PHTF2: variants seen among roughly 807,000 people sequenced by gnomAD.
PHTF2 encodes putative homeodomain transcription factor 2.
Under a neutral mutation model 101.2 loss-of-function variants are expected in PHTF2, and 60 were observed. That is an observed-to-expected ratio of 0.59 (90% CI 0.48 to 0.73). The LOEUF (loss-of-function observed/expected upper bound fraction) is 0.73. Among genes scored for constraint, PHTF2 ranks in the 30% least tolerant of loss-of-function variants. PHTF2 has a pLI of 0.00. For missense variants in PHTF2, 747 were observed against 908.7 expected (o/e 0.82, Z 2.29); for synonymous variants, 311 against 307.3 (o/e 1.01, Z -0.13).
intron 3 of PHTF2, among the ~76,000 whole-genome samples, chr7:77,881,181 A>T (rs1032532409): frequency 1.3e-5 from 2 of 152,094 alleles, no homozygotes; most frequent in Non-Finnish European, 2.9e-5. Flanking sequence ...ACTTCAAAAT[A>T]TTTCAGTATT....
intron 2 of PHTF2, among the ~76,000 whole-genome samples, chr7:77,848,057 G>T (rs1278461954): frequency 2.0e-5 from 3 of 151,968 alleles, no homozygotes; most frequent in African/African-American, 7.3e-5. Context: ...TTCTTACGAC[G>T]GAATACTACT....
intron 1 of PHTF2, among the ~76,000 whole-genome samples, chr7:77,806,345 A>G (rs1342136234): frequency 5.3e-5 from 8 of 152,124 alleles, no homozygotes; most frequent in African/African-American, 1.7e-4. Flanking sequence ...TTGAAGTTCT[A>G]TTGCTAGGTG....
intron 15 of PHTF2, among the ~76,000 whole-genome samples, chr7:77,941,120 A>G (rs111628376): frequency 1.3e-5 from 2 of 152,212 alleles, no homozygotes; most frequent in East Asian, 3.9e-4. Flanking sequence ...TGGAGTAATC[A>G]TGCAAATTCC....
chr7:77,809,237 T>TTGTTTTG (rs1793233935), intron 1 of PHTF2, among the ~76,000 whole-genome samples: 1 of 147,784 alleles, frequency 6.8e-6, no homozygotes, highest in African/African-American at 2.5e-5. Context: ...TTTTTTTTTT[T>TTGTTTTG]TTTTTTTGAG....
At chr7:77,827,593 C>T (rs1177410007) in intron 1 of PHTF2, among the ~76,000 whole-genome samples, 2 of 152,044 alleles carry the variant, frequency 1.3e-5, no homozygotes, top group Non-Finnish European at 2.9e-5. Context: ...ACTTCATGAT[C>T]TACCTGCCTT....
chr7:77,899,733 G>A lies in PHTF2; in HGVS notation c.217-978G>A, dbSNP rs181256220. 4.3e-4 allele frequency among the ~76,000 whole-genome samples: 66 copies of A among 152,008 alleles called. No individual in the cohort carries two copies. In the East Asian group the frequency reaches 0.012, roughly 27 times the overall value. On this transcript the variant is annotated intron_variant, in intron 5 of 19. Transcript: ENST00000416283. The stretch of plus-strand genomic sequence containing the variant: ...TAATCAGATTTTTACTTTGATGGGG[G>A]GTGTCATTGTTACTTGGATTAGGAC...
chr7:77,954,995 T>G (rs1806909066), exon 20 of PHTF2: 1 of 516,452 alleles, frequency 1.9e-6, no homozygotes, highest in African/African-American at 2.0e-5. Flanking sequence ...GTTGAAGTGT[T>G]TACATCAGAC....
chr7:77,879,343 A>G (rs1294677701), intron 3 of PHTF2, among the ~76,000 whole-genome samples: 1 of 152,170 alleles, frequency 6.6e-6, no homozygotes, highest in Non-Finnish European at 1.5e-5. Flanking sequence ...GAGATGGTCC[A>G]TGGCTGCTGC....
intron 2 of PHTF2, among the ~76,000 whole-genome samples, chr7:77,854,458 G>C (rs12537648): frequency 0.16 from 24,024 of 151,996 alleles, 2,698 homozygotes; most frequent in African/African-American, 0.31. Context: ...TGGGCTATCA[G>C]TAACATTCAC....
At chr7:77,936,503 C>T (rs1345077558) in intron 12 of PHTF2, among the ~76,000 whole-genome samples, 1 of 151,788 alleles carries the variant, frequency 6.6e-6, no homozygotes, top group Non-Finnish European at 1.5e-5. Context: ...GGTGAAACCC[C>T]GTCTCTACAA....
At chr7:77,951,313 T>C (rs1244902561) in intron 17 of PHTF2, among the ~76,000 whole-genome samples, 1 of 152,176 alleles carries the variant, frequency 6.6e-6, no homozygotes, top group East Asian at 1.9e-4. Flanking sequence ...ACTATTGGTT[T>C]AGTTTATTCT....
At chr7:77,884,103 G>T (rs898036524) in intron 3 of PHTF2, among the ~76,000 whole-genome samples, 1 of 152,092 alleles carries the variant, frequency 6.6e-6, no homozygotes, top group Non-Finnish European at 1.5e-5. Flanking sequence ...ACAGTCCAGG[G>T]TCTTTTCCAT....
In PHTF2 at chr7:77,893,684, T is replaced by G; in HGVS notation, c.204+20T>G. 1 of 1,065,126 alleles carries G rather than the reference T, an allele frequency of 9.4e-7. No homozygotes were observed. The highest frequency in any genetic ancestry group is 1.4e-6 in the Non-Finnish European group (1 of 705,988). The allele number at this position is 1,065,126 out of a possible 1,614,324, so 66.0% of individuals were successfully genotyped here. On this transcript the variant is annotated intron_variant, in intron 4 of 19. Transcript: ENST00000416283. ...ATCAAGGTAAGGAGTTTATTTCATT[T>G]TGTTTATTTTGAAACATAGTTCTAT...
chr7:77,805,028 A>G (rs903277406), intron 1 of PHTF2, among the ~76,000 whole-genome samples: 7 of 152,180 alleles, frequency 4.6e-5, no homozygotes, highest in Admixed American at 4.6e-4. Context: ...AGTGACTTGC[A>G]CATGTAGGCT....
intron 5 of PHTF2, among the ~76,000 whole-genome samples, chr7:77,899,376 C>T (rs747880520): frequency 3.3e-5 from 5 of 151,364 alleles, no homozygotes; most frequent in Non-Finnish European, 4.4e-5. Flanking sequence ...TCACTCCATG[C>T]GTGTCTGCAA....
chr7:77,867,490 GAATT>G (rs770881720), intron 3 of PHTF2, among the ~76,000 whole-genome samples: 39 of 152,188 alleles, frequency 2.6e-4, no homozygotes, highest in Non-Finnish European at 5.0e-4. Flanking sequence ...AGTGCTGTGA[GAATT>G]AAATAAGTTA....
chr7:77,902,077 A>G (rs976739725), intron 7 of PHTF2, among the ~76,000 whole-genome samples, 157 bp downstream of exon 6: 2 of 130,342 alleles, frequency 1.5e-5, no homozygotes, highest in Non-Finnish European at 3.3e-5. Flanking sequence ...TATTTGAGAA[A>G]ACAAAGCAGT....
At position 77,917,387 on chromosome 7, in the gene PHTF2, GTGT is replaced by G. The variant is rs1803028424; in HGVS notation, c.777-2887_777-2885del. Among the ~76,000 whole-genome samples the G allele has an allele frequency of 5.9e-5, 9 of 152,190 alleles. No homozygotes were observed. In the South Asian group the frequency reaches 1.9e-3, roughly 32 times the overall value. ...TCAAGATACACTTGTTGCGATTGGG[GTGT>G]TGTTAACCCCAGTCCTTTTCAGTGA... On this transcript the variant is annotated intron_variant, in intron 9 of 19. Coordinates refer to ENST00000416283, the Ensembl canonical transcript of PHTF2.
At chr7:77,832,411 CTGTT>C (rs1281005235) in intron 1 of PHTF2, among the ~76,000 whole-genome samples, 2 of 152,158 alleles carry the variant, frequency 1.3e-5, no homozygotes, top group Non-Finnish European at 2.9e-5. Context: ...GATCCACAAG[CTGTT>C]TGTGAATAAG....
Sources: gnomAD v4.1 joint callset for allele counts (sites outside exome capture counted in the v4.1 genomes callset) on GRCh38, gnomAD v4.1.1 for gene constraint, MANE v1.5 for transcripts, NCBI Gene and HGNC (gene_info 2026-07-23, HGNC 2026-07-21) for gene names.